The following DLEU7 variants were observed in gnomAD, a reference collection of about 807,000 sequenced individuals.
The protein encoded by DLEU7 is deleted in lymphocytic leukemia 7.
Under a neutral mutation model 16.0 loss-of-function variants are expected in DLEU7, and 17 were observed. The observed-to-expected ratio is 1.06, with a 90% CI of 0.73 to 1.59. The LOEUF (loss-of-function observed/expected upper bound fraction) is 1.59. Among genes scored for constraint, DLEU7 ranks in the 40% most tolerant of loss-of-function variants. The probability of loss-of-function intolerance (pLI) is 0.00; values close to 1 mark genes in which losing one functional copy is unlikely to be tolerated. For missense variants in DLEU7, 308 were observed against 314.9 expected, an observed-to-expected ratio of 0.98 and a Z score of 0.17; for synonymous variants, 113 against 139.8, an observed-to-expected ratio of 0.81 and a Z score of 1.35.
At chr13:50,767,347 G>T (rs1055161539) in intron 1 of DLEU7, among the ~76,000 whole-genome samples, 16 of 151,634 alleles carry the variant, frequency 1.1e-4, no homozygotes, top group South Asian at 4.2e-4. Flanking sequence ...TCCCAGCTAC[G>T]CGGGAGGCTG....
intron 1 of DLEU7, among the ~76,000 whole-genome samples, chr13:50,825,710 C>T (rs953609911): frequency 6.6e-6 from 1 of 152,138 alleles, no homozygotes; most frequent in African/African-American, 2.4e-5. Flanking sequence ...GTTGTATTAG[C>T]CACCTATTAT....
At chr13:50,714,754 G>C (rs1566226696) in intron 1 of DLEU7, among the ~76,000 whole-genome samples, 1 of 152,194 alleles carries the variant, frequency 6.6e-6, no homozygotes, top group East Asian at 1.9e-4. Flanking sequence ...GGGGCCTTCA[G>C]AGAATTACTT....
In DLEU7 at chr13:50,815,076, T is replaced by C. The variant is rs147970756; in HGVS notation, c.459+28112A>G. On this transcript the variant is annotated intron_variant, in intron 1 of 1. Coordinates refer to the DLEU7 transcript ENST00000400393. ...ATATTAAAGTGTCTGAGTTATTTATTTGGCAAACTGTTTTTCACTTGTGAC... is the reference window on the plus strand; with the variant it reads ...ATATTAAAGTGTCTGAGTTATTTATCTGGCAAACTGTTTTTCACTTGTGAC... Among the ~76,000 whole-genome samples the C allele has an allele frequency of 3.6e-3, 547 of 152,226 alleles. 3 individuals carry two copies. Among genetic ancestry groups the C allele is most frequent in the African/African-American group, 0.012 (511 of 41,552 alleles).
intron 1 of DLEU7, among the ~76,000 whole-genome samples, chr13:50,837,180 A>G (rs984437300): frequency 6.6e-6 from 1 of 152,190 alleles, no homozygotes; most frequent in African/African-American, 2.4e-5. Context: ...GCGCACAAAT[A>G]ACTAAGGCTC....
chr13:50,759,412 A>G (rs1874858922), intron 1 of DLEU7, among the ~76,000 whole-genome samples: 1 of 152,206 alleles, frequency 6.6e-6, no homozygotes, highest in Non-Finnish European at 1.5e-5. Flanking sequence ...TTTTGATTCC[A>G]TGTGTGTAAA....
intron 1 of DLEU7, among the ~76,000 whole-genome samples, chr13:50,788,024 A>G (rs1875843824): frequency 6.6e-6 from 1 of 152,154 alleles, no homozygotes; most frequent in Non-Finnish European, 1.5e-5. Flanking sequence ...TTCGTGGCAC[A>G]GCAGGCGTTT....
chr13:50,744,041 G>A (rs2137727499), intron 1 of DLEU7, among the ~76,000 whole-genome samples: 1 of 152,260 alleles, frequency 6.6e-6, no homozygotes, highest in East Asian at 1.9e-4. Flanking sequence ...AGGGAGACTG[G>A]AAGGCTAGAG....
At chr13:50,806,451 AT>A (rs1876392592) in intron 1 of DLEU7, among the ~76,000 whole-genome samples, 1 of 151,176 alleles carries the variant, frequency 6.6e-6, no homozygotes, top group African/African-American at 2.5e-5. Flanking sequence ...TCTTTTAGTG[AT>A]TATTTAGTTC....
chr13:50,719,196 T>C (rs1409487302), intron 1 of DLEU7, among the ~76,000 whole-genome samples: 1 of 152,218 alleles, frequency 6.6e-6, no homozygotes, highest in East Asian at 1.9e-4. Flanking sequence ...TGGGTTATAA[T>C]CCATTACCAT....
At chr13:50,798,894 C>T (rs1566255026) in intron 1 of DLEU7, among the ~76,000 whole-genome samples, 1 of 152,198 alleles carries the variant, frequency 6.6e-6, no homozygotes, top group Non-Finnish European at 1.5e-5. Flanking sequence ...TCCTTCCCTC[C>T]TCACTCCACC....
At chr13:50,773,955 A>G (rs1367077993) in intron 1 of DLEU7, among the ~76,000 whole-genome samples, 1 of 151,918 alleles carries the variant, frequency 6.6e-6, no homozygotes, top group East Asian at 1.9e-4. Flanking sequence ...TTGTTTACCT[A>G]CTCAAGCCTC....
chr13:50,725,532 A>C (rs555657395), intron 1 of DLEU7, among the ~76,000 whole-genome samples: 1 of 152,192 alleles, frequency 6.6e-6, no homozygotes, highest in Non-Finnish European at 1.5e-5. Context: ...GGAATTAGCT[A>C]TCTATGAGAT....
chr13:50,819,066 C>T (rs774782872), downstream of DLEU7, among the ~76,000 whole-genome samples: 1 of 152,126 alleles, frequency 6.6e-6, no homozygotes, highest in Admixed American at 6.5e-5. Flanking sequence ...GCCACTACAA[C>T]AGGCAATAAA....
chr13:50,835,291 T>C (rs949456654), intron 1 of DLEU7, among the ~76,000 whole-genome samples: 18 of 152,124 alleles, frequency 1.2e-4, no homozygotes, highest in African/African-American at 4.3e-4. Flanking sequence ...AGCCATGTAG[T>C]GTGGGAGACA....
At chr13:50,793,771 T>A (rs1428853299) in intron 1 of DLEU7, among the ~76,000 whole-genome samples, 1 of 152,182 alleles carries the variant, frequency 6.6e-6, no homozygotes, top group Non-Finnish European at 1.5e-5. Context: ...AGATGCTTAG[T>A]TAGTGAGTAT....
intron 1 of DLEU7, among the ~76,000 whole-genome samples, chr13:50,816,019 A>G (rs1486916863): frequency 2.0e-5 from 3 of 152,158 alleles, no homozygotes; most frequent in East Asian, 1.9e-4. Context: ...GGTCAATTAC[A>G]TCAAATGTGT....
At chr13:50,787,234 G>C (rs1249988395) in intron 1 of DLEU7, among the ~76,000 whole-genome samples, 1 of 152,168 alleles carries the variant, frequency 6.6e-6, no homozygotes, top group Non-Finnish European at 1.5e-5. Context: ...GGTGAGGTCA[G>C]GCCTGCTTAA....
rs150681934 is a variant in DLEU7, at chr13:50,719,923, A to T, written c.460-6683T>A. On this transcript the variant is annotated intron_variant, in intron 1 of 1. Transcript: ENST00000400393. ...TAGAGAAGCATGCTAAAACAAGCTG[A>T]CCCGAAAGTCACATTCTTCTAGTTC... is the stretch of plus-strand genomic sequence containing the variant. 4.1e-4 allele frequency among the ~76,000 whole-genome samples: 62 copies of T among 152,338 alleles called. 1 individual carries two copies. In the East Asian group the frequency reaches 0.012, roughly 28 times the overall value.
At chr13:50,780,731 C>T (rs922376395) in intron 1 of DLEU7, among the ~76,000 whole-genome samples, 4 of 152,070 alleles carry the variant, frequency 2.6e-5, no homozygotes, top group Non-Finnish European at 5.9e-5. Flanking sequence ...AAACGAGGTA[C>T]GGCACAGGGC....
Sources: allele counts gnomAD v4.1 joint callset (sites outside exome capture counted in the v4.1 genomes callset), GRCh38; gene constraint gnomAD v4.1.1; transcripts MANE v1.5; gene names NCBI Gene and HGNC (gene_info 2026-07-23, HGNC 2026-07-21).